Variants in GNG12 observed in about 807,000 individuals in gnomAD.
GNG12 encodes the protein G protein subunit gamma 12, also known as guanine nucleotide-binding protein G(I)/G(S)/G(O) subunit gamma-12.
For synonymous variants in GNG12, 28 were observed against 29.7 expected (o/e 0.94, Z 0.19); for missense variants, 69 against 83.8 (o/e 0.82, Z 0.69).
At chr1:67,738,962 T>G (rs1234079857) in intron 2 of GNG12, among the ~76,000 whole-genome samples, 1 of 152,100 alleles carries the variant, frequency 6.6e-6, no homozygotes, top group Non-Finnish European at 1.5e-5. Flanking sequence ...GCAAATCACT[T>G]GAGGTCAGGA....
chr1:67,729,308 A>G (rs549247140), intron 2 of GNG12, among the ~76,000 whole-genome samples: 14 of 152,304 alleles, frequency 9.2e-5, no homozygotes, highest in Admixed American at 7.8e-4. Context: ...CCTTTCATCC[A>G]GACGGCCTGC....
chr1:67,736,781 A>T (rs1426002600), intron 2 of GNG12, among the ~76,000 whole-genome samples: 1 of 152,240 alleles, frequency 6.6e-6, no homozygotes, highest in Non-Finnish European at 1.5e-5. Flanking sequence ...AGTGGGCTCC[A>T]GACTGAACTC....
At chr1:67,712,810 T>C (rs1442858791) in intron 2 of GNG12, among the ~76,000 whole-genome samples, 2 of 150,904 alleles carry the variant, frequency 1.3e-5, no homozygotes, top group Non-Finnish European at 2.9e-5. Flanking sequence ...AGGGCATCAG[T>C]GAATGCTCTA....
chr1:67,833,121 TC>T (rs1303331751), intron 1 of GNG12, among the ~76,000 whole-genome samples: 3 of 128,782 alleles, frequency 2.3e-5, no homozygotes, highest in African/African-American at 5.9e-5. Context: ...GGCCCCTTCC[TC>T]CCCCTCCCCC....
chr1:67,801,733 C>T (rs940082325), intron 1 of GNG12, among the ~76,000 whole-genome samples: 3 of 152,118 alleles, frequency 2.0e-5, no homozygotes, highest in Admixed American at 6.5e-5. Flanking sequence ...TCTCGCTTAA[C>T]GGTGTGAATT....
At chr1:67,767,063 G>T (rs1646644675) in intron 2 of GNG12, among the ~76,000 whole-genome samples, 1 of 152,158 alleles carries the variant, frequency 6.6e-6, no homozygotes, top group South Asian at 2.1e-4. Context: ...AATTTTGGGG[G>T]TCCTCTTTAG....
At chr1:67,802,224 T>C (rs1646870043) in intron 1 of GNG12, among the ~76,000 whole-genome samples, 2 of 152,062 alleles carry the variant, frequency 1.3e-5, no homozygotes, top group South Asian at 4.2e-4. Context: ...GGAGGTTCTC[T>C]AAAGGGAAGG....
At chr1:67,757,183 T>C (rs72684527) in intron 2 of GNG12, among the ~76,000 whole-genome samples, 11,268 of 152,306 alleles carry the variant, frequency 0.074, 447 homozygotes, top group African/African-American at 0.087. Flanking sequence ...ACACAGAGCC[T>C]GAAGGTAATT....
intron 1 of GNG12, among the ~76,000 whole-genome samples, chr1:67,815,470 C>T (rs1464584302): frequency 6.6e-6 from 1 of 152,144 alleles, no homozygotes; most frequent in Non-Finnish European, 1.5e-5. Context: ...CCATGAAACA[C>T]GACTTGCCAG....
At chr1:67,716,536 G>C (rs1394034129) in intron 2 of GNG12, among the ~76,000 whole-genome samples, 1 of 152,196 alleles carries the variant, frequency 6.6e-6, no homozygotes. Flanking sequence ...GAAGCAGAGA[G>C]AGGTTAAAAA....
intron 1 of GNG12, among the ~76,000 whole-genome samples, chr1:67,817,804 T>C: frequency 6.7e-6 from 1 of 148,502 alleles, no homozygotes; most frequent in South Asian, 2.1e-4. Context: ...TTTTTTTTTT[T>C]TTTGCGATGT....
chr1:67,815,491 T>G (rs1646948639), intron 1 of GNG12, among the ~76,000 whole-genome samples: 1 of 152,170 alleles, frequency 6.6e-6, no homozygotes, highest in Non-Finnish European at 1.5e-5. Flanking sequence ...GACAAGGCCT[T>G]GCGGAGGCTC....
chr1:67,782,876 C>T (rs1646745227), intron 1 of GNG12, among the ~76,000 whole-genome samples: 1 of 152,044 alleles, frequency 6.6e-6, no homozygotes, highest in African/African-American at 2.4e-5. Context: ...TTGCATGTTA[C>T]CTTTGATAGA....
intron 1 of GNG12, among the ~76,000 whole-genome samples, chr1:67,804,899 G>A (rs1646886387): frequency 6.6e-6 from 1 of 152,042 alleles, no homozygotes; most frequent in African/African-American, 2.4e-5. Context: ...CACTGAATGG[G>A]GAAGAAAAAT....
intron 1 of GNG12, among the ~76,000 whole-genome samples, chr1:67,818,108 T>C (rs1294348793): frequency 6.6e-6 from 1 of 151,998 alleles, no homozygotes; most frequent in African/African-American, 2.4e-5. Flanking sequence ...TCTCAATGGA[T>C]GAAGGAAAAA....
At chr1:67,765,680 A>T (rs1646631894) in intron 2 of GNG12, among the ~76,000 whole-genome samples, 1 of 152,242 alleles carries the variant, frequency 6.6e-6, no homozygotes. Flanking sequence ...GTAGTGAAAT[A>T]ACTACTACCT....
At chr1:67,741,853 C>A (rs1447108541) in intron 2 of GNG12, among the ~76,000 whole-genome samples, 1 of 152,120 alleles carries the variant, frequency 6.6e-6, no homozygotes, top group Non-Finnish European at 1.5e-5. Context: ...ACATAAAAAT[C>A]CAGATTTCTG....
chr1:67,726,277 T>A (rs867553149), intron 2 of GNG12, among the ~76,000 whole-genome samples: 9 of 152,364 alleles, frequency 5.9e-5, no homozygotes, highest in Middle Eastern at 3.4e-3. Context: ...TTGAATCCTC[T>A]ATCTGATGGT....
chr1:67,784,758 T>C (rs1646758289), intron 1 of GNG12, among the ~76,000 whole-genome samples: 1 of 152,220 alleles, frequency 6.6e-6, no homozygotes, highest in Non-Finnish European at 1.5e-5. Flanking sequence ...AATTTTAAGA[T>C]AAGTATCTTT....
Sources: gnomAD v4.1 joint callset for allele counts (sites outside exome capture counted in the v4.1 genomes callset) on GRCh38, gnomAD v4.1.1 for gene constraint, MANE v1.5 for transcripts, NCBI Gene and HGNC (gene_info 2026-07-23, HGNC 2026-07-21) for gene names.